Variants in DDO observed in about 807,000 individuals in gnomAD.
DDO encodes D-aspartate oxidase, DDO.
Under a neutral mutation model 16.8 loss-of-function variants are expected in DDO, and 16 were observed. The ratio of observed to expected loss-of-function variants is 0.95; its 90% CI spans 0.65 to 1.45. The LOEUF is 1.45. DDO is among the 40% of genes most tolerant of loss of function. The probability of loss-of-function intolerance (pLI) is 0.00; values close to 1 mark genes in which losing one functional copy is unlikely to be tolerated. For missense variants in DDO, 429 were observed against 420.3 expected, an observed-to-expected ratio of 1.02 and a Z score of -0.18; for synonymous variants, 180 against 167.2, an observed-to-expected ratio of 1.08 and a Z score of -0.59.
intron 4 of DDO, among the ~76,000 whole-genome samples, chr6:110,399,491 C>G (rs973678869): frequency 6.6e-6 from 1 of 152,118 alleles, no homozygotes; most frequent in Non-Finnish European, 1.5e-5. Flanking sequence ...CAGTGGGTGG[C>G]AGCCCAGAGG....
At chr6:110,414,553 C>T (rs1183608712) in intron 1 of DDO, among the ~76,000 whole-genome samples, 1 of 152,264 alleles carries the variant, frequency 6.6e-6, no homozygotes, top group African/African-American at 2.4e-5. Context: ...TCCCACCCCT[C>T]ACCCACGGAG....
chr6:110,398,382 G>A (rs897539944), intron 4 of DDO, among the ~76,000 whole-genome samples: 16 of 96,236 alleles, frequency 1.7e-4, no homozygotes, highest in Admixed American at 3.4e-4. Flanking sequence ...TCTTAAATGC[G>A]TACACACACA....
intron 2 of DDO, among the ~76,000 whole-genome samples, chr6:110,411,539 C>CA (rs1214862431): frequency 6.6e-6 from 1 of 151,796 alleles, no homozygotes. Context: ...ATTCGGAGAA[C>CA]AAAAAAGAGC....
intron 3 of DDO, 68 bp from the exon 4 acceptor site, chr6:110,405,018 A>T: frequency 7.1e-7 from 1 of 1,408,404 alleles, no homozygotes; most frequent in African/African-American, 1.4e-5. Flanking sequence ...TAAACTTCAC[A>T]TGACATTCTC....
At chr6:110,391,351 C>CT (rs10683177), downstream of DDO, among the ~76,000 whole-genome samples, 19,310 of 133,404 alleles carry the variant, frequency 0.14, 1,776 homozygotes, top group Middle Eastern at 0.19. Flanking sequence ...CTCCTCAAGC[C>CT]TTTTTTTTTT....
At position 110,392,730 on chromosome 6, in the gene DDO, T is replaced by G. The variant is rs1773137923; in HGVS notation, c.*45A>C. ...AAAGTTATTTGAACCTGTTCTGTGC[T>G]TTGATCAACAGTCTCTCAGTCTCTT... On this transcript the variant is annotated 3_prime_UTR_variant, in exon 5 of 5. Transcript: ENST00000368924. The G allele has an allele frequency of 6.7e-7, 1 of 1,498,958 alleles. No individual in the cohort carries two copies. The highest frequency in any genetic ancestry group is 1.4e-5 in the African/African-American group (1 of 71,568). The allele number at this position is 1,498,958 out of a possible 1,614,324, so 92.9% of individuals were successfully genotyped here.
At chr6:110,411,834 G>A (rs1470249991) in intron 2 of DDO, among the ~76,000 whole-genome samples, 1 of 152,154 alleles carries the variant, frequency 6.6e-6, no homozygotes, top group Non-Finnish European at 1.5e-5. Flanking sequence ...ATGAGGAAAT[G>A]GGGACAGTGA....
intron 4 of DDO, among the ~76,000 whole-genome samples, chr6:110,404,076 T>C (rs1449321029): frequency 6.6e-6 from 1 of 152,230 alleles, no homozygotes; most frequent in East Asian, 1.9e-4. Context: ...GATCAATATT[T>C]CACAACTCTC....
At position 110,413,271 on chromosome 6, in the gene DDO, G is replaced by A; in HGVS notation, c.172+20C>T. On this transcript the variant is annotated intron_variant, in intron 2 of 4. Transcript: ENST00000368924. ...TATCTGACATCTATTGTATCTGATA[G>A]AGGAGCTGAAATCTCTCACCTGGAT... 2 of 1,612,336 alleles carry A rather than the reference G, an allele frequency of 1.2e-6. No individual in the cohort carries two copies. Among genetic ancestry groups the A allele is most frequent in the Non-Finnish European group, 8.5e-7 (1 of 1,178,840 alleles).
intron 4 of DDO, among the ~76,000 whole-genome samples, chr6:110,394,830 T>A (rs1178410004): frequency 6.6e-6 from 1 of 152,192 alleles, no homozygotes; most frequent in Non-Finnish European, 1.5e-5. Flanking sequence ...AGGATGGTTG[T>A]GAGGTTACAA....
intron 4 of DDO, among the ~76,000 whole-genome samples, chr6:110,400,578 C>T (rs879587587): frequency 1.5e-4 from 23 of 152,224 alleles, no homozygotes; most frequent in Middle Eastern, 3.2e-3. Context: ...CCCATCAGAA[C>T]TCTCCTCATC....
At chr6:110,396,691 TTTTGTTTG>T (rs57663802) in intron 4 of DDO, among the ~76,000 whole-genome samples, 10,510 of 150,890 alleles carry the variant, frequency 0.07, 589 homozygotes, top group Non-Finnish European at 0.1. Flanking sequence ...GGAGCTACTG[TTTTGTTTG>T]TTTGTTTGTT....
chr6:110,394,074 A>G (rs1051332629), intron 4 of DDO, among the ~76,000 whole-genome samples: 1 of 152,098 alleles, frequency 6.6e-6, no homozygotes, highest in Non-Finnish European at 1.5e-5. Context: ...TGCAACCGCC[A>G]TCACCATCCA....
intron 2 of DDO, among the ~76,000 whole-genome samples, chr6:110,411,772 T>C (rs796824410): frequency 3.8e-4 from 58 of 152,184 alleles, no homozygotes; most frequent in African/African-American, 1.3e-3. Flanking sequence ...TGGGCATATA[T>C]AACTTTGATA....
downstream of DDO, among the ~76,000 whole-genome samples, chr6:110,390,886 A>C (rs1412238714): frequency 6.6e-6 from 1 of 152,256 alleles, no homozygotes; most frequent in Non-Finnish European, 1.5e-5. Flanking sequence ...AACAGAATTC[A>C]GAAGAGTTGC....
chr6:110,389,511 CACTT>C (rs1773066515), downstream of DDO, among the ~76,000 whole-genome samples: 2 of 152,230 alleles, frequency 1.3e-5, no homozygotes, highest in Admixed American at 6.5e-5. Flanking sequence ...CAGCCCATCA[CACTT>C]ACATTTGGCA....
At chr6:110,406,332 C>T (rs1773654757) in intron 3 of DDO, among the ~76,000 whole-genome samples, 1 of 152,132 alleles carries the variant, frequency 6.6e-6, no homozygotes, top group African/African-American at 2.4e-5. Flanking sequence ...CCAATCCTAC[C>T]TAACTCAGAA....
chr6:110,393,281 G>A lies in DDO; in HGVS notation c.520C>T (p.Pro174Ser), dbSNP rs749465890. The change falls in exon 5 of 5, where the codon CCG (proline) becomes TCG (serine). Residue 174 changes from proline (P) to serine (S), a missense_variant. Pro to Ser is a moderately conservative substitution (Grantham distance 74, BLOSUM62 -1). Transcript: ENST00000368924. The part of the protein sequence containing the change: ...RRIEDLWELH[P>S]SFDIVVNCSG... ...CAGTTGACCACGATGTCAAAGGACG[G>A]ATGAAGTTCCCACAGGTCTTCTATT... The A allele has an allele frequency of 2.5e-6, 4 of 1,613,536 alleles. No individual in the cohort carries two copies. Among genetic ancestry groups the A allele is most frequent in the East Asian group, 4.5e-5 (2 of 44,874 alleles).
downstream of DDO, chr6:110,388,956 G>T: frequency 6.3e-6 from 2 of 317,536 alleles, no homozygotes; most frequent in Non-Finnish European, 9.1e-6. Context: ...GATAAGCTGT[G>T]ATGGTTAATT....
Sources: allele counts gnomAD v4.1 joint callset (sites outside exome capture counted in the v4.1 genomes callset), GRCh38; gene constraint gnomAD v4.1.1; transcripts MANE v1.5; gene names NCBI Gene and HGNC (gene_info 2026-07-23, HGNC 2026-07-21).